NFX1: variants seen among roughly 807,000 people sequenced by gnomAD.
NFX1 encodes nuclear transcription factor, X-box binding 1, also known as transcriptional repressor NF-X1.
In NFX1, 69 loss-of-function variants were observed where a neutral mutation model predicts 137.2. That is an observed-to-expected ratio of 0.50 (90% CI 0.41 to 0.61). The LOEUF (loss-of-function observed/expected upper bound fraction) is 0.61, where lower values mean the gene tolerates loss of function less well. Among genes scored for constraint, NFX1 ranks in the 20% least tolerant of loss-of-function variants. The pLI is 0.00. For missense variants in NFX1, 1,167 were observed against 1,391.0 expected (o/e 0.84, Z 2.56); for synonymous variants, 495 against 474.1 (o/e 1.04, Z -0.57).
chr9:33,325,573 A>G (rs1822553353), intron 9 of NFX1, among the ~76,000 whole-genome samples: 1 of 152,180 alleles, frequency 6.6e-6, no homozygotes, highest in South Asian at 2.1e-4. Context: ...CTGAGGCAGG[A>G]GAATGGCATG....
rs761378780 is a variant in NFX1 at position 33,317,419 on chromosome 9, CA to C, written c.1589-1296del. ...GGGTGACAAAGTGAGGCCCTGTCTCCAAAAAAAAAAAAAAAAGAAAGAAAGA... is the reference window on the plus strand; with the variant it reads ...GGGTGACAAAGTGAGGCCCTGTCTCCAAAAAAAAAAAAAAAGAAAGAAAGA... On this transcript the variant is annotated intron_variant, in intron 7 of 23. Coordinates refer to ENST00000379540, the MANE Select transcript of NFX1 (RefSeq NM_002504.6). Among the ~76,000 whole-genome samples, 45 of 54,320 alleles carry C rather than the reference CA, an allele frequency of 8.3e-4. 1 individual carries two copies. The highest frequency in any genetic ancestry group is 0.024 in the Middle Eastern group (2 of 84). The allele number at this position is 54,320 out of a possible 152,430, so 35.6% of individuals were successfully genotyped here.
In NFX1 at chr9:33,313,073, C is replaced by T. The variant is rs187566952; in HGVS notation, c.1449-581C>T. On this transcript the variant is annotated intron_variant, in intron 6 of 23. Coordinates refer to ENST00000379540, the MANE Select transcript of NFX1 (RefSeq NM_002504.6). ...GATCTGGGTACATGATAGCTGTCCT[C>T]CCGTCTGTAAAGTACTGTGGAAGCT... Among the ~76,000 whole-genome samples the T allele has an allele frequency of 1.7e-4, 26 of 152,200 alleles. No homozygotes were observed. The East Asian group carries it at 4.8e-3, about 28-fold the overall frequency.
intron 4 of NFX1, among the ~76,000 whole-genome samples, chr9:33,305,815 G>C (rs1309993080): frequency 6.6e-6 from 1 of 152,176 alleles, no homozygotes; most frequent in East Asian, 1.9e-4. Context: ...TGAGCTGGAG[G>C]AGTGAGCAGA....
At chr9:33,325,317 G>GA (rs960821644) in intron 9 of NFX1, among the ~76,000 whole-genome samples, 2 of 152,144 alleles carry the variant, frequency 1.3e-5, no homozygotes, top group Non-Finnish European at 2.9e-5. Flanking sequence ...AAACAATGGA[G>GA]AACACATCAC....
At chr9:33,293,577 C>T (rs1458308999) in intron 1 of NFX1, among the ~76,000 whole-genome samples, 1 of 152,254 alleles carries the variant, frequency 6.6e-6, no homozygotes, top group Non-Finnish European at 1.5e-5. Flanking sequence ...CCCATGTCTT[C>T]CAGGTCTTAC....
chr9:33,319,889 C>T (rs1159707208), intron 9 of NFX1, among the ~76,000 whole-genome samples: 1 of 152,132 alleles, frequency 6.6e-6, no homozygotes. Context: ...AGCTAAGTTT[C>T]CCATCTAGCT....
chr9:33,369,665 A>C (rs1476157639), intron 23 of NFX1, among the ~76,000 whole-genome samples: 1 of 152,220 alleles, frequency 6.6e-6, no homozygotes, highest in Non-Finnish European at 1.5e-5. Context: ...TAAAGTGTAA[A>C]TAGAGAATTT....
At chr9:33,299,474 C>T (rs1251398948) in intron 2 of NFX1, among the ~76,000 whole-genome samples, 2 of 152,088 alleles carry the variant, frequency 1.3e-5, no homozygotes, top group East Asian at 3.8e-4. Flanking sequence ...CACCTGAGCC[C>T]AGGAGTTCAA....
At chr9:33,338,727 A>G in intron 12 of NFX1, 138 bp downstream of exon 12, 1 of 705,058 alleles carries the variant, frequency 1.4e-6, no homozygotes, top group Non-Finnish European at 2.4e-6. Context: ...GAGAGCTCTC[A>G]TAGTCCCCAT....
chr9:33,356,816 T>G (rs2118660520), intron 19 of NFX1, among the ~76,000 whole-genome samples: 1 of 151,992 alleles, frequency 6.6e-6, no homozygotes, highest in South Asian at 2.1e-4. Flanking sequence ...TGGCAAAACC[T>G]CATCTGTACA....
At chr9:33,314,717 C>T (rs888986478) in intron 7 of NFX1, among the ~76,000 whole-genome samples, 1 of 151,936 alleles carries the variant, frequency 6.6e-6, no homozygotes, top group Non-Finnish European at 1.5e-5. Context: ...AATCTAAGAA[C>T]ATATAAAACT....
chr9:33,336,431 G>A (rs1823006356), intron 11 of NFX1, among the ~76,000 whole-genome samples: 1 of 151,926 alleles, frequency 6.6e-6, no homozygotes, highest in Non-Finnish European at 1.5e-5. Context: ...GGTCAGGCTG[G>A]TCTCGAACTC....
intron 15 of NFX1, among the ~76,000 whole-genome samples, chr9:33,349,741 G>T (rs1054080146): frequency 1.3e-5 from 2 of 152,110 alleles, no homozygotes; most frequent in South Asian, 4.1e-4. Flanking sequence ...ACAGGACTGC[G>T]TGAAGCTGTG....
At chr9:33,311,320 T>C in intron 6 of NFX1, 143 bp downstream of exon 6, 1 of 792,068 alleles carries the variant, frequency 1.3e-6, no homozygotes, top group South Asian at 1.7e-5. Flanking sequence ...GGAGTGAAAG[T>C]TTATTAAAAA....
At chr9:33,302,996 C>G (rs1240933302) in intron 3 of NFX1, among the ~76,000 whole-genome samples, 195 bp from the exon 4 acceptor site, 1 of 148,278 alleles carries the variant, frequency 6.7e-6, no homozygotes, top group South Asian at 2.1e-4. Flanking sequence ...TAATGAACCC[C>G]ATATTTAGTG....
At chr9:33,330,158 A>G (rs1305777316) in intron 10 of NFX1, among the ~76,000 whole-genome samples, 1 of 152,186 alleles carries the variant, frequency 6.6e-6, no homozygotes, top group Non-Finnish European at 1.5e-5. Context: ...AGCTTGGGGA[A>G]CACACTGAGT....
At chr9:33,338,650 C>A in intron 12 of NFX1, 61 bp downstream of exon 12, 2 of 1,426,818 alleles carry the variant, frequency 1.4e-6, no homozygotes, top group Non-Finnish European at 1.9e-6. Context: ...CTTCTGGAAG[C>A]CTGAGCCATG....
chr9:33,305,023 G>A (rs901848276), intron 4 of NFX1, among the ~76,000 whole-genome samples: 2 of 152,182 alleles, frequency 1.3e-5, no homozygotes, highest in Non-Finnish European at 2.9e-5. Flanking sequence ...GCACATAAAG[G>A]CCTTATTTGC....
chr9:33,358,131 A>G (rs557173917), intron 19 of NFX1, among the ~76,000 whole-genome samples: 77 of 151,592 alleles, frequency 5.1e-4, no homozygotes, highest in Admixed American at 2.0e-3. Context: ...TATTACTTGT[A>G]ATTTTTTTTT....
Sources: gnomAD v4.1 joint callset for allele counts (sites outside exome capture counted in the v4.1 genomes callset) on GRCh38, gnomAD v4.1.1 for gene constraint, MANE v1.5 for transcripts, NCBI Gene and HGNC (gene_info 2026-07-23, HGNC 2026-07-21) for gene names.